Variants in MALRD1 observed in about 807,000 individuals in gnomAD.
MALRD1 encodes MAM and LDL receptor class A domain containing 1, also known as MAM and LDL-receptor class A domain-containing protein 1.
In MALRD1, 247 loss-of-function variants were observed where a neutral mutation model predicts 242.1. The ratio of observed to expected loss-of-function variants is 1.02; its 90% confidence interval spans 0.92 to 1.13. The LOEUF (loss-of-function observed/expected upper bound fraction) is 1.13. MALRD1 is among the 50% of genes most tolerant of loss of function. The probability of loss-of-function intolerance (pLI) is 0.00; values close to 1 mark genes in which losing one functional copy is unlikely to be tolerated. For synonymous variants in MALRD1, 995 were observed against 866.6 expected, an observed-to-expected ratio of 1.15 and a Z score of -2.60; for missense variants, 2,989 against 2,533.1, an observed-to-expected ratio of 1.18 and a Z score of -3.86.
At chr10:19,482,684 CACACACAT>C (rs1432199241) in intron 29 of MALRD1, among the ~76,000 whole-genome samples, 19 of 151,364 alleles carry the variant, frequency 1.3e-4, no homozygotes, top group African/African-American at 4.6e-4. Context: ...CACACACACA[CACACACAT>C]ACACACAAAG....
At chr10:19,317,247 T>C (rs1002699835) in intron 21 of MALRD1, among the ~76,000 whole-genome samples, 3 of 151,860 alleles carry the variant, frequency 2.0e-5, no homozygotes, top group Non-Finnish European at 2.9e-5. Context: ...AGGTTTCTTA[T>C]TTGCAGATAG....
intron 5 of MALRD1, among the ~76,000 whole-genome samples, chr10:19,107,899 A>T (rs976440551): frequency 2.0e-5 from 3 of 152,102 alleles, no homozygotes; most frequent in African/African-American, 7.2e-5. Context: ...GCATGCAAAT[A>T]TTCTAGAATT....
chr10:19,646,935 C>T (rs1409010083), intron 36 of MALRD1, among the ~76,000 whole-genome samples: 1 of 152,120 alleles, frequency 6.6e-6, no homozygotes, highest in Non-Finnish European at 1.5e-5. Flanking sequence ...TAACTGAGCT[C>T]TGCTGAGCAC....
At chr10:19,133,984 G>A (rs922065910) in intron 9 of MALRD1, 36 bp downstream of exon 9, 1 of 1,101,702 alleles carries the variant, frequency 9.1e-7, no homozygotes, top group South Asian at 4.7e-5. Context: ...TTTTTATCAT[G>A]GTTTAAGTTT....
At chr10:19,518,176 T>C (rs1435513532) in intron 31 of MALRD1, among the ~76,000 whole-genome samples, 4 of 152,362 alleles carry the variant, frequency 2.6e-5, no homozygotes, top group Non-Finnish European at 2.9e-5. Context: ...TTGTTTGTTA[T>C]ACTCCTAAGT....
intron 20 of MALRD1, among the ~76,000 whole-genome samples, chr10:19,281,207 TCAAG>T (rs150063229): frequency 0.015 from 2,356 of 152,284 alleles, 70 homozygotes; most frequent in African/African-American, 0.053. Flanking sequence ...AGTAATTAAC[TCAAG>T]CTAGCCAGGG....
chr10:19,533,418 A>G (rs1285896853), intron 32 of MALRD1, among the ~76,000 whole-genome samples: 1 of 152,038 alleles, frequency 6.6e-6, no homozygotes. Context: ...CATGATATTG[A>G]TTTTTCTGTA....
intron 13 of MALRD1, among the ~76,000 whole-genome samples, chr10:19,168,999 T>C (rs1834811924): frequency 6.6e-6 from 1 of 152,268 alleles, no homozygotes; most frequent in East Asian, 1.9e-4. Context: ...CATTTCACTC[T>C]CAAGAAGGCC....
At chr10:19,142,742 A>G (rs1453842169) in intron 10 of MALRD1, among the ~76,000 whole-genome samples, 1 of 152,210 alleles carries the variant, frequency 6.6e-6, no homozygotes, top group African/African-American at 2.4e-5. Flanking sequence ...AGATTTTGCA[A>G]ATGTTTACAT....
chr10:19,202,155 C>T (rs899105731), intron 14 of MALRD1, among the ~76,000 whole-genome samples: 14 of 151,972 alleles, frequency 9.2e-5, no homozygotes, highest in Non-Finnish European at 1.3e-4. Context: ...TCTTTCATTT[C>T]GCTTGTTTCT....
At chr10:19,314,752 A>T (rs1842569346) in intron 21 of MALRD1, among the ~76,000 whole-genome samples, 1 of 151,464 alleles carries the variant, frequency 6.6e-6, no homozygotes, top group African/African-American at 2.4e-5. Flanking sequence ...GTAGAGTTGA[A>T]TAGTTATAAC....
intron 2 of MALRD1, among the ~76,000 whole-genome samples, chr10:19,074,580 C>A (rs1017417408): frequency 2.0e-5 from 3 of 150,904 alleles, no homozygotes; most frequent in African/African-American, 7.3e-5. Flanking sequence ...GTGATGGAAT[C>A]ATAGTTGACA....
Position 19,388,411 on chromosome 10 carries a change from A to G in MALRD1, c.4687+638A>G, listed in dbSNP as rs148137379. Reference sequence around the variant, plus strand: ...AGCAATTGAAGTTAGATGATAATGTATGCTGCCATCAGACATCTTTCCTAA... The same window carrying G: ...AGCAATTGAAGTTAGATGATAATGTGTGCTGCCATCAGACATCTTTCCTAA... On this transcript the variant is annotated intron_variant, in intron 27 of 39. Coordinates refer to ENST00000454679, the MANE Select transcript of MALRD1 (RefSeq NM_001142308.3). Among the ~76,000 whole-genome samples, 1,056 of 152,352 alleles carry G rather than the reference A, an allele frequency of 6.9e-3. 16 individuals are homozygous for G. Among genetic ancestry groups the G allele is most frequent in the African/African-American group, 0.024 (990 of 41,586 alleles).
At chr10:19,238,306 T>C (rs1838510756) in intron 18 of MALRD1, among the ~76,000 whole-genome samples, 1 of 83,210 alleles carries the variant, frequency 1.2e-5, no homozygotes, top group Non-Finnish European at 2.1e-5. Context: ...TTATATATAA[T>C]ATGTAATATA....
chr10:19,408,936 C>T (rs1833154044), intron 28 of MALRD1, among the ~76,000 whole-genome samples: 1 of 152,190 alleles, frequency 6.6e-6, no homozygotes, highest in Admixed American at 6.5e-5. Context: ...AGCAGTTGCA[C>T]TGATAGTTGT....
intron 26 of MALRD1, among the ~76,000 whole-genome samples, chr10:19,353,572 G>A (rs1248822008): frequency 6.6e-6 from 1 of 152,140 alleles, no homozygotes; most frequent in Non-Finnish European, 1.5e-5. Context: ...AGTTAAACAG[G>A]CTCTTTGCCT....
At chr10:19,183,249 G>A (rs1371398499) in intron 14 of MALRD1, among the ~76,000 whole-genome samples, 1 of 151,902 alleles carries the variant, frequency 6.6e-6, no homozygotes, top group Admixed American at 6.6e-5. Flanking sequence ...ATGAGTGGAG[G>A]TGAGGTAAAG....
chr10:19,441,047 G>A (rs1382583129), intron 28 of MALRD1, among the ~76,000 whole-genome samples: 1 of 152,148 alleles, frequency 6.6e-6, no homozygotes, highest in East Asian at 1.9e-4. Context: ...TAACTGGTGT[G>A]AGATGGTATC....
At chr10:19,064,725 G>A (rs565082639) in intron 1 of MALRD1, among the ~76,000 whole-genome samples, 1 of 143,590 alleles carries the variant, frequency 7.0e-6, no homozygotes, top group Non-Finnish European at 1.5e-5. Context: ...AGCCAAGATT[G>A]CACCACTGCA....
Sources: gnomAD v4.1 joint callset for allele counts (sites outside exome capture counted in the v4.1 genomes callset) on GRCh38, gnomAD v4.1.1 for gene constraint, MANE v1.5 for transcripts, NCBI Gene and HGNC (gene_info 2026-07-23, HGNC 2026-07-21) for gene names.